The following DNAJC9 variants were observed in gnomAD, a reference collection of about 807,000 sequenced individuals.
DNAJC9 encodes dnaJ homolog subfamily C member 9.
DNAJC9 carries 18 observed loss-of-function variants against 32.4 expected under a neutral mutation model. That is an observed-to-expected ratio of 0.56 (90% CI 0.38 to 0.82). The LOEUF is 0.82. Among genes scored for constraint, DNAJC9 ranks in the 40% least tolerant of loss-of-function variants. The pLI, the probability that DNAJC9 is intolerant of heterozygous loss-of-function variation, is 0.00. For synonymous variants in DNAJC9, 113 were observed against 122.1 expected (o/e 0.93, Z 0.49); for missense variants, 310 against 321.8 (o/e 0.96, Z 0.28).
At chr10:73,236,413 CTTTTT>C (rs571460371), downstream of DNAJC9, among the ~76,000 whole-genome samples, 1 of 133,296 alleles carries the variant, frequency 7.5e-6, no homozygotes. Context: ...CAATTTCTGC[CTTTTT>C]TTTTTTTTTT....
At chr10:73,239,534 T>C (rs1258353928), downstream of DNAJC9, 3 of 601,714 alleles carry the variant, frequency 5.0e-6, no homozygotes, top group African/African-American at 3.7e-5. Context: ...AAAATTCATT[T>C]TGGAACATGG....
intron 3 of DNAJC9, chr10:73,244,175 T>C: frequency 4.1e-6 from 2 of 486,862 alleles, no homozygotes; most frequent in Non-Finnish European, 7.3e-6. Flanking sequence ...GTAAGTACTC[T>C]GGCACTCATA....
downstream of DNAJC9, among the ~76,000 whole-genome samples, chr10:73,240,145 TAA>T (rs1431828402): frequency 6.6e-6 from 1 of 152,198 alleles, no homozygotes; most frequent in African/African-American, 2.4e-5. Context: ...CAGGATGTCT[TAA>T]TTCTTCCTGT....
downstream of DNAJC9, chr10:73,241,395 A>G (rs1047633): frequency 0.033 from 7,703 of 234,884 alleles, 533 homozygotes; most frequent in African/African-American, 0.15. Context: ...ATCAGTGACA[A>G]TATCACTGGC....
At chr10:73,235,078 G>A, downstream of DNAJC9, 1 of 1,446,970 alleles carries the variant, frequency 6.9e-7, no homozygotes, top group East Asian at 2.5e-5. Flanking sequence ...TTATGACGTG[G>A]AATTGGAGCT....
intron 3 of DNAJC9, among the ~76,000 whole-genome samples, chr10:73,244,790 C>CGTTGGGG (rs2043988676): frequency 6.6e-6 from 1 of 152,102 alleles, no homozygotes; most frequent in Non-Finnish European, 1.5e-5. Context: ...GCCCCAACAC[C>CGTTGGGG]CCTTGTGAAT....
At chr10:73,240,121 T>C (rs1005337431), downstream of DNAJC9, among the ~76,000 whole-genome samples, 3 of 152,224 alleles carry the variant, frequency 2.0e-5, no homozygotes, top group African/African-American at 7.2e-5. Flanking sequence ...GGTCTTGCTA[T>C]GTTGCCCAGG....
downstream of DNAJC9, chr10:73,241,033 A>T: frequency 6.9e-7 from 1 of 1,442,650 alleles, no homozygotes; most frequent in Non-Finnish European, 9.5e-7. Flanking sequence ...AAATGAGAAG[A>T]ATCTATCAGG....
downstream of DNAJC9, chr10:73,239,173 A>C: frequency 1.6e-6 from 1 of 624,322 alleles, no homozygotes; most frequent in Non-Finnish European, 2.8e-6. Flanking sequence ...AACCCAGTGC[A>C]CTCAGCTGAC....
chr10:73,240,230 G>A (rs1025921562), downstream of DNAJC9, among the ~76,000 whole-genome samples: 11 of 152,196 alleles, frequency 7.2e-5, no homozygotes, highest in Admixed American at 2.0e-4. Context: ...GGACAGCTGA[G>A]ATGTTTCCTG....
chr10:73,240,540 A>G (rs536146295), downstream of DNAJC9, among the ~76,000 whole-genome samples: 24 of 152,014 alleles, frequency 1.6e-4, no homozygotes, highest in Admixed American at 1.0e-3. Flanking sequence ...GTGAAACCCC[A>G]TCTCTACTAA....
intron 4 of DNAJC9, 148 bp downstream of exon 4, chr10:73,243,695 A>T: frequency 9.0e-7 from 1 of 1,113,262 alleles, no homozygotes; most frequent in Non-Finnish European, 1.3e-6. Context: ...AAATACACTT[A>T]AAACCACCAA....
Position 73,243,424 on chromosome 10 carries a change from A to C in DNAJC9, c.759T>G (p.Ser253=). The C allele has an allele frequency of 6.2e-7, 1 of 1,613,960 alleles. No homozygotes were observed. Among genetic ancestry groups the C allele is most frequent in the South Asian group, 1.1e-5 (1 of 91,074 alleles). The stretch of plus-strand genomic sequence containing the variant: ...ATTATTTCTTTTCTTTCTTGAGAGC[A>C]GATTTTTTCCCTCCTCCTTTGGAAG... ...CKSSKGGGKK[S]ALKKEKK The change falls in exon 5 of 5, where the codon TCT becomes TCG. Residue 253 remains serine, a synonymous_variant. Coordinates refer to ENST00000372950, the MANE Select transcript of DNAJC9 (RefSeq NM_015190.5).
downstream of DNAJC9, among the ~76,000 whole-genome samples, chr10:73,236,413 CT>C (rs571460371): frequency 0.05 from 6,640 of 133,190 alleles, 260 homozygotes; most frequent in African/African-American, 0.15. Context: ...CAATTTCTGC[CT>C]TTTTTTTTTT....
At chr10:73,241,199 T>G (rs1004323464), downstream of DNAJC9, 2 of 573,404 alleles carry the variant, frequency 3.5e-6, no homozygotes, top group African/African-American at 3.9e-5. Context: ...GACATGAGTG[T>G]TGTTTCTATC....
chr10:73,235,126 G>T, downstream of DNAJC9: 1 of 1,505,578 alleles, frequency 6.6e-7, no homozygotes, highest in Non-Finnish European at 9.0e-7. Context: ...ATGGTCGATA[G>T]GGTTTTAACT....
downstream of DNAJC9, among the ~76,000 whole-genome samples, chr10:73,237,060 G>A (rs1190045356): frequency 1.3e-5 from 2 of 152,020 alleles, no homozygotes; most frequent in Non-Finnish European, 2.9e-5. Flanking sequence ...TGTGTCCAGG[G>A]TTCCCTCTTC....
chr10:73,238,004 A>G (rs1040624894), downstream of DNAJC9, among the ~76,000 whole-genome samples: 3 of 151,990 alleles, frequency 2.0e-5, no homozygotes, highest in African/African-American at 2.4e-5. Context: ...TTCTCTCCCC[A>G]TTTGCTGTCA....
chr10:73,236,413 C>CTTTTT (rs571460371), downstream of DNAJC9, among the ~76,000 whole-genome samples: 3 of 133,298 alleles, frequency 2.3e-5, no homozygotes, highest in East Asian at 2.1e-4. Flanking sequence ...CAATTTCTGC[C>CTTTTT]TTTTTTTTTT....
Sources: allele counts gnomAD v4.1 joint callset (sites outside exome capture counted in the v4.1 genomes callset), GRCh38; gene constraint gnomAD v4.1.1; transcripts MANE v1.5; gene names NCBI Gene and HGNC (gene_info 2026-07-23, HGNC 2026-07-21).